The following ARHGAP26 variants were observed in gnomAD, a reference collection of about 807,000 sequenced individuals.
The protein encoded by ARHGAP26 is rho GTPase-activating protein 26.
ARHGAP26 carries 38 observed loss-of-function variants against 104.8 expected under a neutral mutation model. The observed-to-expected ratio is 0.36, with a 90% CI of 0.28 to 0.48. The LOEUF (loss-of-function observed/expected upper bound fraction) is 0.48, where lower values mean the gene tolerates loss of function less well. ARHGAP26 is among the 20% of genes least tolerant of loss of function. The pLI is 0.99. For synonymous variants in ARHGAP26, 341 were observed against 340.0 expected (o/e 1.00, Z -0.03); for missense variants, 704 against 947.9 (o/e 0.74, Z 3.38).
At chr5:143,070,383 A>G (rs1023616151) in intron 17 of ARHGAP26, among the ~76,000 whole-genome samples, 3 of 152,180 alleles carry the variant, frequency 2.0e-5, no homozygotes, top group Non-Finnish European at 2.9e-5. Context: ...CTTCTTTGTT[A>G]TGTTATTAAT....
chr5:142,839,221 C>G (rs1218912689), intron 1 of ARHGAP26, among the ~76,000 whole-genome samples: 2 of 152,030 alleles, frequency 1.3e-5, no homozygotes, highest in Non-Finnish European at 2.9e-5. Flanking sequence ...GTTTGAGTCT[C>G]TGTTCTTATG....
At chr5:142,777,681 A>G (rs1756611931) in intron 1 of ARHGAP26, among the ~76,000 whole-genome samples, 1 of 152,172 alleles carries the variant, frequency 6.6e-6, no homozygotes, top group South Asian at 2.1e-4. Flanking sequence ...TGTCCTCCAG[A>G]GCCCTAGACT....
intron 17 of ARHGAP26, among the ~76,000 whole-genome samples, chr5:143,098,635 G>T (rs542979840): frequency 1.3e-5 from 2 of 152,018 alleles, no homozygotes; most frequent in Non-Finnish European, 2.9e-5. Flanking sequence ...CCATAATATT[G>T]CAAAGAGAAA....
At chr5:142,826,645 T>TGGGAG (rs2152099736) in intron 1 of ARHGAP26, among the ~76,000 whole-genome samples, 1 of 152,264 alleles carries the variant, frequency 6.6e-6, no homozygotes, top group Admixed American at 6.5e-5. Flanking sequence ...ATTTTAGTGG[T>TGGGAG]GGGAGGTACA....
chr5:143,186,083 C>T (rs1805091892), intron 20 of ARHGAP26, among the ~76,000 whole-genome samples: 2 of 152,204 alleles, frequency 1.3e-5, no homozygotes, highest in South Asian at 4.1e-4. Flanking sequence ...CTGCCACCCT[C>T]AAGAAAGCCA....
intron 9 of ARHGAP26, among the ~76,000 whole-genome samples, chr5:142,910,462 G>T (rs540404735): frequency 6.6e-6 from 1 of 152,370 alleles, no homozygotes; most frequent in East Asian, 1.9e-4. Flanking sequence ...ACCGAGGCCG[G>T]ATGTGGTGGC....
At chr5:143,088,500 T>C (rs915023876) in intron 17 of ARHGAP26, among the ~76,000 whole-genome samples, 1 of 152,112 alleles carries the variant, frequency 6.6e-6, no homozygotes, top group African/African-American at 2.4e-5. Context: ...GTCTTTATTA[T>C]TTTCAAGGTA....
In ARHGAP26 at chr5:143,184,344, TC is replaced by T. The variant is rs141448092; in HGVS notation, c.1989-22851del. On this transcript the variant is annotated intron_variant, in intron 20 of 22. Transcript: ENST00000645722. ...GTATTATTGCTTATCCTTTTGTCTC[TC>T]CCGTAAAAACATGTATAAGGAGCAT... 1.8e-3 allele frequency among the ~76,000 whole-genome samples: 269 copies of T among 152,292 alleles called. 9 individuals are homozygous for T. In the East Asian group the frequency reaches 0.045, roughly 26 times the overall value.
intron 21 of ARHGAP26, chr5:143,207,623 C>G (rs913360442): frequency 2.1e-6 from 2 of 949,094 alleles, no homozygotes; most frequent in Non-Finnish European, 3.1e-6. Context: ...ATTTTTCACA[C>G]CCTTTTCAAC....
Position 142,963,221 on chromosome 5 carries a change from C to CGT in ARHGAP26, c.1107+31097_1107+31098insTG, listed in dbSNP as rs1304070209. Among the ~76,000 whole-genome samples, 10 of 62,774 alleles carry CGT rather than the reference C, an allele frequency of 1.6e-4. No individual in the cohort carries two copies. The East Asian group carries it at 2.1e-3, about 13-fold the overall frequency. The allele number at this position is 62,774 out of a possible 152,430, so 41.2% of individuals were successfully genotyped here. A position where few individuals can be genotyped will look rare whatever the true frequency, so the allele number is the denominator to read the frequency against. ...ATATGTGTGTGTGTGTGTGTGTGTG[C>CGT]GCGTGTGTGTGTGTACCACATTTTC... On this transcript the variant is annotated intron_variant, in intron 11 of 22. Coordinates refer to ENST00000645722, the MANE Select transcript of ARHGAP26 (RefSeq NM_001135608.3).
intron 13 of ARHGAP26, among the ~76,000 whole-genome samples, chr5:143,040,091 G>A (rs1366063858): frequency 6.6e-6 from 1 of 152,188 alleles, no homozygotes; most frequent in African/African-American, 2.4e-5. Context: ...GTGGGATTGT[G>A]TAAAGTCCCG....
chr5:142,992,648 C>T (rs1440541013), intron 11 of ARHGAP26, among the ~76,000 whole-genome samples: 7 of 151,882 alleles, frequency 4.6e-5, no homozygotes, highest in Admixed American at 2.6e-4. Flanking sequence ...AGGATGGTCT[C>T]GATCTCCTGA....
At chr5:142,939,222 A>G (rs984766931) in intron 11 of ARHGAP26, among the ~76,000 whole-genome samples, 2 of 152,142 alleles carry the variant, frequency 1.3e-5, no homozygotes, top group East Asian at 1.9e-4. Flanking sequence ...GTTCTGTGCT[A>G]TTTTTGCGCA....
At chr5:143,054,803 G>A (rs1163941221) in intron 15 of ARHGAP26, among the ~76,000 whole-genome samples, 3 of 152,200 alleles carry the variant, frequency 2.0e-5, no homozygotes, top group Admixed American at 1.3e-4. Context: ...ACCTAAAATG[G>A]GGTCTTCCCC....
At chr5:143,095,223 AT>A (rs1792128493) in intron 17 of ARHGAP26, among the ~76,000 whole-genome samples, 1 of 151,702 alleles carries the variant, frequency 6.6e-6, no homozygotes, top group Non-Finnish European at 1.5e-5. Context: ...TTGAGGTGAA[AT>A]TCACTTAACA....
intron 18 of ARHGAP26, among the ~76,000 whole-genome samples, chr5:143,121,648 G>A (rs1796147605): frequency 6.6e-6 from 1 of 151,942 alleles, no homozygotes; most frequent in Non-Finnish European, 1.5e-5. Context: ...TGTATTTTTT[G>A]TACCGTTTGT....
intron 15 of ARHGAP26, 92 bp downstream of exon 15, chr5:143,054,618 C>CG: frequency 1.1e-6 from 1 of 894,404 alleles, no homozygotes; most frequent in Non-Finnish European, 1.7e-6. Flanking sequence ...GGAGAGCTGT[C>CG]GGGTGGGTGT....
chr5:143,035,132 A>G (rs1782424571), intron 12 of ARHGAP26, among the ~76,000 whole-genome samples: 2 of 152,224 alleles, frequency 1.3e-5, no homozygotes, highest in South Asian at 4.1e-4. Context: ...AGCAATAAGT[A>G]TGTATGTAAG....
chr5:143,086,416 A>G (rs1191576433), intron 17 of ARHGAP26, among the ~76,000 whole-genome samples: 2 of 149,938 alleles, frequency 1.3e-5, no homozygotes, highest in Non-Finnish European at 2.9e-5. Flanking sequence ...GAGATGAGAA[A>G]GTAAGAAGTT....
Sources: gnomAD v4.1 joint callset for allele counts (sites outside exome capture counted in the v4.1 genomes callset) on GRCh38, gnomAD v4.1.1 for gene constraint, MANE v1.5 for transcripts, NCBI Gene and HGNC (gene_info 2026-07-23, HGNC 2026-07-21) for gene names.